The following TRPC5 variants were observed in gnomAD, a reference collection of about 807,000 sequenced individuals.
TRPC5 encodes the protein short transient receptor potential channel 5.
In TRPC5, 9 loss-of-function variants were observed where a neutral mutation model predicts 56.5. That is an observed-to-expected ratio of 0.16 (90% confidence interval 0.10 to 0.28). TRPC5 has a LOEUF of 0.28. Among genes scored for constraint, TRPC5 ranks in the 10% least tolerant of loss-of-function variants. The pLI is 1.00. For synonymous variants in TRPC5, 282 were observed against 278.5 expected, an observed-to-expected ratio of 1.01 and a Z score of -0.13; for missense variants, 469 against 748.9, an observed-to-expected ratio of 0.63 and a Z score of 4.36.
intron 1 of TRPC5, among the ~76,000 whole-genome samples, chrX:111,991,205 T>A (rs925608072): frequency 1.8e-5 from 2 of 108,327 alleles, no homozygotes; most frequent in Non-Finnish European, 3.8e-5. Context: ...TACTCATTCC[T>A]GCCGGTACCA....
chrX:111,946,374 T>G (rs1926934534), intron 2 of TRPC5, among the ~76,000 whole-genome samples: 1 of 111,967 alleles, frequency 8.9e-6, no homozygotes, highest in East Asian at 2.8e-4. Context: ...CCCAGGAAGG[T>G]CATGCCTTTG....
At chrX:111,875,572 CTTTT>C (rs771241425) in intron 3 of TRPC5, among the ~76,000 whole-genome samples, 5 of 70,464 alleles carry the variant, frequency 7.1e-5, no homozygotes, top group Non-Finnish European at 1.1e-4. Flanking sequence ...TTTTTTCTTT[CTTTT>C]TTTTTTTTTT....
chrX:111,950,186 G>A (rs902980552), intron 2 of TRPC5, among the ~76,000 whole-genome samples: 3 of 110,462 alleles, frequency 2.7e-5, no homozygotes, highest in Non-Finnish European at 3.8e-5. Context: ...TTAGCCAGGC[G>A]TGGTGGCAGG....
intron 1 of TRPC5, among the ~76,000 whole-genome samples, chrX:111,964,172 A>G (rs1283535953): frequency 2.7e-5 from 3 of 112,402 alleles, no homozygotes; most frequent in African/African-American, 6.5e-5. Context: ...AACTACGTGA[A>G]GAATGCAGAA....
At chrX:111,881,027 G>C (rs780067025) in intron 3 of TRPC5, among the ~76,000 whole-genome samples, 1 of 111,869 alleles carries the variant, frequency 8.9e-6, no homozygotes, top group African/African-American at 3.3e-5. Context: ...GTGCATTGGT[G>C]ATCTCTCTTC....
intron 1 of TRPC5, among the ~76,000 whole-genome samples, chrX:111,980,911 G>GTATA (rs764889761): frequency 1.6e-4 from 15 of 93,874 alleles, no homozygotes; most frequent in African/African-American, 6.3e-4. Context: ...TTATATATAT[G>GTATA]TATATATATA....
At chrX:111,783,857 A>G (rs1052580490) in intron 7 of TRPC5, among the ~76,000 whole-genome samples, 2 of 111,765 alleles carry the variant, frequency 1.8e-5, no homozygotes, top group African/African-American at 6.5e-5. Context: ...GCCCAAGGTC[A>G]TGAAGATGTT....
chrX:111,826,931 T>A (rs1207413035), intron 7 of TRPC5, among the ~76,000 whole-genome samples: 1 of 111,305 alleles, frequency 9.0e-6, no homozygotes, highest in Non-Finnish European at 1.9e-5. Context: ...TGTGATAAGA[T>A]AAGGAAAGGA....
At chrX:112,075,875 A>G (rs543973857) in intron 1 of TRPC5, among the ~76,000 whole-genome samples, 1 of 112,234 alleles carries the variant, frequency 8.9e-6, no homozygotes, top group South Asian at 3.7e-4. Flanking sequence ...AATTAGGCCA[A>G]CAATCTGAGT....
intron 10 of TRPC5, among the ~76,000 whole-genome samples, 182 bp downstream of exon 10, chrX:111,778,803 A>G (rs978276028): frequency 2.7e-5 from 3 of 111,788 alleles, no homozygotes; most frequent in Admixed American, 9.6e-5. Flanking sequence ...TTGTGGTGTG[A>G]CATACATTGG....
chrX:111,803,701 G>GT (rs896692483), intron 7 of TRPC5, among the ~76,000 whole-genome samples: 1 of 111,599 alleles, frequency 9.0e-6, no homozygotes, highest in African/African-American at 3.3e-5. Flanking sequence ...GGGGTTTTTT[G>GT]TTTTTTTCTT....
intron 7 of TRPC5, among the ~76,000 whole-genome samples, chrX:111,824,327 C>T (rs992574707): frequency 2.7e-5 from 3 of 110,146 alleles, no homozygotes; most frequent in Non-Finnish European, 3.8e-5. Context: ...ATAACAGTAC[C>T]TACCTTATAA....
intron 3 of TRPC5, among the ~76,000 whole-genome samples, chrX:111,905,975 GT>G (rs1925604784): frequency 3.7e-5 from 4 of 108,062 alleles, no homozygotes; most frequent in Non-Finnish European, 7.6e-5. Context: ...ATAATTTTAA[GT>G]TTACCACAAA....
intron 2 of TRPC5, among the ~76,000 whole-genome samples, chrX:111,917,412 A>T (rs1926008604): frequency 8.9e-6 from 1 of 112,471 alleles, no homozygotes; most frequent in South Asian, 3.7e-4. Context: ...TAAGGCATTC[A>T]TTGGATGTGT....
intron 1 of TRPC5, among the ~76,000 whole-genome samples, chrX:112,030,848 A>T (rs1442573010): frequency 8.9e-6 from 1 of 111,865 alleles, no homozygotes; most frequent in African/African-American, 3.3e-5. Context: ...CTGAAGAAAA[A>T]TAACTAGTGT....
Position 111,768,475 on chromosome X carries a change from A to G in TRPC5, c.*7838T>C, listed in dbSNP as rs905243589. Among the ~76,000 whole-genome samples the G allele has an allele frequency of 8.9e-6, 1 of 112,075 alleles. No homozygotes were observed. The highest frequency in any genetic ancestry group is 1.9e-5 in the Non-Finnish European group (1 of 53,180). On this transcript the variant is annotated 3_prime_UTR_variant, in exon 11 of 11. Transcript: ENST00000262839. ...CATTTTTGAGAAATATGGAATAAAT[A>G]GAATCCTGTGAAGAGTTTAACTATT... is the stretch of plus-strand genomic sequence containing the variant.
intron 7 of TRPC5, among the ~76,000 whole-genome samples, chrX:111,833,027 G>A (rs1182034664): frequency 9.0e-6 from 1 of 111,507 alleles, no homozygotes; most frequent in Non-Finnish European, 1.9e-5. Context: ...AGGATAGAAT[G>A]CCAAGCAGAG....
intron 7 of TRPC5, among the ~76,000 whole-genome samples, chrX:111,784,007 C>T (rs1945940380): frequency 9.0e-6 from 1 of 111,543 alleles, no homozygotes; most frequent in East Asian, 2.8e-4. Context: ...ATTGCTCTGA[C>T]CCAATTTGTT....
chrX:111,960,646 A>G (rs1056525949), intron 1 of TRPC5, among the ~76,000 whole-genome samples: 1 of 111,294 alleles, frequency 9.0e-6, no homozygotes, highest in Non-Finnish European at 1.9e-5. Flanking sequence ...GATTGTCTTT[A>G]ATCCCAGATC....
Sources: gnomAD v4.1 joint callset for allele counts (sites outside exome capture counted in the v4.1 genomes callset) on GRCh38, gnomAD v4.1.1 for gene constraint, MANE v1.5 for transcripts, NCBI Gene and HGNC (gene_info 2026-07-23, HGNC 2026-07-21) for gene names.